POLI: variants seen among roughly 807,000 people sequenced by gnomAD.
POLI encodes the protein RAD30 homolog B.
Under a neutral mutation model 51.6 loss-of-function variants are expected in POLI, and 58 were observed. That is an observed-to-expected ratio of 1.12 (90% CI 0.91 to 1.40). The LOEUF is 1.40. POLI is among the 40% of genes most tolerant of loss of function. POLI has a pLI of 0.00. For missense variants in POLI, 921 were observed against 871.3 expected, an observed-to-expected ratio of 1.06 and a Z score of -0.72; for synonymous variants, 322 against 299.7, an observed-to-expected ratio of 1.07 and a Z score of -0.77.
intron 3 of POLI, among the ~76,000 whole-genome samples, chr18:54,309,826 C>T (rs986441481): frequency 1.3e-5 from 2 of 152,204 alleles, no homozygotes; most frequent in African/African-American, 4.8e-5. Context: ...CAAGCCACCT[C>T]GCAGTTCCAT....
At position 54,298,014 on chromosome 18, in the gene POLI, GTTTTTATT is replaced by G; in HGVS notation, c.*3548_*3555del. ...ATATCTTTTACTTTGGAGATACGCA[GTTTTTATT>G]ATATGTCTAGCTATAGATTTATCAT... On this transcript the variant is annotated 3_prime_UTR_variant, in exon 10 of 10. Coordinates refer to ENST00000579534, the MANE Select transcript of POLI (RefSeq NM_007195.3). The G allele has an allele frequency of 1.0e-6, 1 of 975,846 alleles. No individual in the cohort carries two copies. The highest frequency in any genetic ancestry group is 4.7e-5 in the South Asian group (1 of 21,086). The allele number at this position is 975,846 out of a possible 1,614,324, so 60.4% of individuals were successfully genotyped here.
In POLI at chr18:54,296,626, CCTT is replaced by C. The variant is rs1440473605; in HGVS notation, c.*2161_*2163del. The C allele has an allele frequency of 6.3e-6, 1 of 159,076 alleles. No homozygotes were observed. The highest frequency in any genetic ancestry group is 1.9e-4 in the East Asian group (1 of 5,222). 9.9% of individuals were successfully genotyped at this position (159,076 alleles called of 1,614,324 possible). A position where few individuals can be genotyped will look rare whatever the true frequency, so the allele number is the denominator to read the frequency against. ...CAAATGATAGACTTTCTTACTGTAT[CCTT>C]CATGTCTCTTAATTTCTCATATTTT... On this transcript the variant is annotated 3_prime_UTR_variant, in exon 10 of 10. Transcript: ENST00000579534.
In POLI at chr18:54,294,355, TC is replaced by T. The variant is rs1267090661; in HGVS notation, c.2114del (p.Pro705LeufsTer55). The T allele has an allele frequency of 1.2e-6, 2 of 1,613,604 alleles. No homozygotes were observed. Among genetic ancestry groups the T allele is most frequent in the Admixed American group, 1.7e-5 (1 of 59,968 alleles). ...GATTCTGTTGATGAGAAAATTACTTTCCCTTCTGACATTGATCCTCAAGTTT... is the reference window on the plus strand; with the variant it reads ...GATTCTGTTGATGAGAAAATTACTTTCCTTCTGACATTGATCCTCAAGTTT... ...EPDSVDEKIT[F>X]PSDIDPQVFY... On this transcript the variant is annotated frameshift_variant, in exon 10 of 10. Transcript: ENST00000579534. LOFTEE classifies it high-confidence loss of function.
intron 3 of POLI, among the ~76,000 whole-genome samples, chr18:54,309,505 C>T (rs2088638230): frequency 6.6e-6 from 1 of 152,142 alleles, no homozygotes; most frequent in South Asian, 2.1e-4. Flanking sequence ...TCAGTTGGCC[C>T]CTACTGGGAG....
chr18:54,276,418 G>A (rs1298062143), intron 3 of POLI, among the ~76,000 whole-genome samples: 4 of 152,064 alleles, frequency 2.6e-5, no homozygotes, highest in Non-Finnish European at 4.4e-5. Context: ...TTTGTCCTGT[G>A]ACCTAAAATC....
Position 54,294,406 on chromosome 18 carries a change from A to T in POLI, c.2162A>T (p.Gln721Leu). The T allele has an allele frequency of 1.9e-6, 3 of 1,612,676 alleles. No individual in the cohort carries two copies. The highest frequency in any genetic ancestry group is 2.5e-6 in the Non-Finnish European group (3 of 1,179,184). ...TTCTATGAACTACCAGAAGCAGTAC[A>T]AAAGGAACTGCTGGCAGAGTGGAAG... ...QVFYELPEAVQKELLAEWKRA... is the reference protein window; with the variant it reads ...QVFYELPEAVLKELLAEWKRA... Residue 721 changes from glutamine to leucine, a missense_variant, in exon 10 of 10, where the codon CAA (glutamine) becomes CTA (leucine). Transcript: ENST00000579534.
At chr18:54,307,273 C>T in intron 3 of POLI, among the ~76,000 whole-genome samples, 1 of 152,134 alleles carries the variant, frequency 6.6e-6, no homozygotes, top group East Asian at 1.9e-4. Context: ...AAATATGTCC[C>T]AGAGATTCTG....
intron 3 of POLI, among the ~76,000 whole-genome samples, chr18:54,304,031 G>C (rs143594219): frequency 6.6e-6 from 1 of 151,734 alleles, no homozygotes; most frequent in Non-Finnish European, 1.5e-5. Context: ...CTGTCCTTGC[G>C]ACAGTTTGCT....
chr18:54,287,936 T>G (rs3730779), intron 8 of POLI, among the ~76,000 whole-genome samples: 269 of 152,346 alleles, frequency 1.8e-3, no homozygotes, highest in East Asian at 0.012. Flanking sequence ...CTGTGATAAC[T>G]GTATAGCATG....
At position 54,293,826 on chromosome 18, in the gene POLI, G is replaced by T; in HGVS notation, c.1582G>T (p.Asp528Tyr). Residue 528 changes from aspartate to tyrosine, a missense_variant, in exon 10 of 10, where the codon GAC becomes TAC. Asp to Tyr is a radical substitution (Grantham distance 160, BLOSUM62 -3). Transcript: ENST00000579534. ...ACTCTGTTCACTTCCTGAAGGTGTTGACCAAGAAGTCTTCAAGCAGCTTCC... is the reference window on the plus strand; with the variant it reads ...ACTCTGTTCACTTCCTGAAGGTGTTTACCAAGAAGTCTTCAAGCAGCTTCC... ...FPLCSLPEGV[D>Y]QEVFKQLPVD... 1 of 1,609,520 alleles carries T rather than the reference G, an allele frequency of 6.2e-7. No homozygotes were observed. Among genetic ancestry groups the T allele is most frequent in the South Asian group, 1.1e-5 (1 of 90,506 alleles).
At chr18:54,282,717 G>C (rs1196492516) in intron 5 of POLI, 120 bp from the exon 6 acceptor site, 1 of 608,114 alleles carries the variant, frequency 1.6e-6, no homozygotes, top group African/African-American at 1.8e-5. Context: ...GTGGATAAGG[G>C]GGGACTACTG....
At chr18:54,286,613 A>T (rs1049323326) in intron 7 of POLI, among the ~76,000 whole-genome samples, 3 of 152,058 alleles carry the variant, frequency 2.0e-5, no homozygotes, top group Non-Finnish European at 4.4e-5. Context: ...TTTGTCAGTG[A>T]ATGATTCAGT....
At chr18:54,272,406 T>C (rs965252148) in intron 2 of POLI, among the ~76,000 whole-genome samples, 1 of 152,160 alleles carries the variant, frequency 6.6e-6, no homozygotes, top group Non-Finnish European at 1.5e-5. Flanking sequence ...AATGAATGAT[T>C]ATTGGGAAGT....
intron 2 of POLI, chr18:54,272,292 C>T (rs2087037969): frequency 6.6e-6 from 1 of 152,206 alleles, no homozygotes; most frequent in Non-Finnish European, 1.5e-5. Flanking sequence ...GAGTTAGAAT[C>T]AGGGGACCTA....
At chr18:54,304,907 A>C (rs1013311892) in intron 3 of POLI, among the ~76,000 whole-genome samples, 1 of 152,216 alleles carries the variant, frequency 6.6e-6, no homozygotes, top group African/African-American at 2.4e-5. Context: ...CTAACATTTA[A>C]GTCTTTAATC....
At chr18:54,277,605 T>G in intron 3 of POLI, 98 bp from the exon 4 acceptor site, 1 of 726,456 alleles carries the variant, frequency 1.4e-6, no homozygotes, top group Non-Finnish European at 2.2e-6. Context: ...TATAAAACCT[T>G]TAACAATAAA....
chr18:54,292,009 A>G lies in POLI; in HGVS notation c.1375A>G (p.Thr459Ala), dbSNP rs145324633. 2.5e-4 allele frequency: 406 copies of G among 1,608,272 alleles called. 3 individuals are homozygous for G. The East Asian group carries it at 7.5e-3, about 30-fold the overall frequency. Residue 459 changes from threonine to alanine, a missense_variant, in exon 9 of 10, where the codon ACT (threonine) becomes GCT (alanine). Coordinates refer to ENST00000579534, the MANE Select transcript of POLI (RefSeq NM_007195.3). ...IDYYLMPSLS[T>A]TSRSGKHSFK... ...TTATTATTTAATGCCATCATTATCA[A>G]CTACTTCACGCTCTGGCAAGCACAG... is the stretch of plus-strand genomic sequence containing the variant.
In POLI at chr18:54,295,683, A is replaced by T. The variant is rs1360689224; in HGVS notation, c.*1216A>T. The T allele has an allele frequency of 6.9e-6, 2 of 290,202 alleles. No homozygotes were observed. The highest frequency in any genetic ancestry group is 1.0e-5 in the Non-Finnish European group (2 of 194,854). The allele number at this position is 290,202 out of a possible 1,614,324, so 18.0% of individuals were successfully genotyped here. ...CACTCTGTCGCCCAGGGTGGAGTACAGTGGCGCAATCCCAGCTCACTACAA... is the reference window on the plus strand; with the variant it reads ...CACTCTGTCGCCCAGGGTGGAGTACTGTGGCGCAATCCCAGCTCACTACAA... On this transcript the variant is annotated 3_prime_UTR_variant, in exon 10 of 10. Coordinates refer to ENST00000579534, the MANE Select transcript of POLI (RefSeq NM_007195.3).
intron 1 of POLI, chr18:54,269,929 G>A (rs966223396): frequency 2.5e-6 from 3 of 1,198,552 alleles, no homozygotes; most frequent in East Asian, 3.7e-5. Flanking sequence ...TGTGAGGGGC[G>A]AGGTGGGGCG....
Sources: gnomAD v4.1 joint callset for allele counts (sites outside exome capture counted in the v4.1 genomes callset) on GRCh38, gnomAD v4.1.1 for gene constraint, MANE v1.5 for transcripts, NCBI Gene and HGNC (gene_info 2026-07-23, HGNC 2026-07-21) for gene names.